LIN54: variants seen among roughly 807,000 people sequenced by gnomAD.
The protein encoded by LIN54 is protein lin-54 homolog.
A neutral mutation model predicts 78.7 loss-of-function variants in LIN54; 9 were observed. The observed-to-expected ratio is 0.11, with a 90% confidence interval of 0.07 to 0.20. The LOEUF is 0.20. Among genes scored for constraint, LIN54 ranks in the 10% least tolerant of loss-of-function variants. LIN54 has a pLI of 1.00. For missense variants in LIN54, 573 were observed against 889.9 expected (o/e 0.64, Z 4.53); for synonymous variants, 269 against 318.4 (o/e 0.84, Z 1.65).
Position 82,984,527 on chromosome 4 carries a change from A to T in LIN54, c.318T>A (p.Thr106=). The T allele has an allele frequency of 6.2e-7, 1 of 1,614,160 alleles. No individual in the cohort carries two copies. Among genetic ancestry groups the T allele is most frequent in the Non-Finnish European group, 8.5e-7 (1 of 1,180,008 alleles). ...TCTGATTGGCTGATATAGTCACAGG[A>T]GTCTGAGCACCAAGTTTTTGAAGGC... ...PSGLQKLGAQ[T]PVTISANQII... Residue 106 remains threonine, a synonymous_variant, in exon 2 of 13, where the codon ACT becomes ACA. Transcript: ENST00000340417.
At chr4:82,980,409 G>A (rs4693066) in intron 2 of LIN54, among the ~76,000 whole-genome samples, 69,158 of 151,542 alleles carry the variant, frequency 0.46, 17,673 homozygotes, top group Admixed American at 0.59. Flanking sequence ...GAAATACACC[G>A]GAAGTTATGA....
At position 82,989,345 on chromosome 4, in the gene LIN54, A is replaced by C. The variant is rs138649078; in HGVS notation, c.-32-4469T>G. On this transcript the variant is annotated intron_variant, in intron 1 of 12. Coordinates refer to ENST00000340417, the MANE Select transcript of LIN54 (RefSeq NM_194282.4). ...CTTCTTTATGTCGCTCTTCCTGATC[A>C]AAGAATCCCCTCTGGCACTTATGGG... Among the ~76,000 whole-genome samples the C allele has an allele frequency of 3.0e-3, 460 of 152,338 alleles. 4 individuals are homozygous for C. Among genetic ancestry groups the C allele is most frequent in the African/African-American group, 0.01 (433 of 41,588 alleles).
At chr4:82,964,297 C>T (rs1234953212) in intron 4 of LIN54, among the ~76,000 whole-genome samples, 3 of 152,174 alleles carry the variant, frequency 2.0e-5, no homozygotes, top group African/African-American at 7.2e-5. Context: ...ATGATCTTCC[C>T]GCCTCGGCCA....
Position 82,937,206 on chromosome 4 carries a change from A to G in LIN54, c.1604+21T>C, listed in dbSNP as rs375851117. 2.0e-4 allele frequency: 223 copies of G among 1,131,238 alleles called. 1 individual carries two copies. Among genetic ancestry groups the G allele is most frequent in the South Asian group, 3.5e-4 (28 of 80,812 alleles). The allele number at this position is 1,131,238 out of a possible 1,614,324, so 70.1% of individuals were successfully genotyped here. ...CATTTCTAATTACATTAAATAAGCAAACAGTTGCAAAAACACTTACAATTT... is the reference window on the plus strand; with the variant it reads ...CATTTCTAATTACATTAAATAAGCAGACAGTTGCAAAAACACTTACAATTT... On this transcript the variant is annotated intron_variant, in intron 9 of 12. Transcript: ENST00000340417.
intron 6 of LIN54, 45 bp from the exon 7 acceptor site, chr4:82,939,781 C>T (rs1378916683): frequency 1.9e-6 from 3 of 1,605,782 alleles, no homozygotes; most frequent in South Asian, 1.1e-5. Context: ...ATAAATTTTA[C>T]AGCTGTTCAA....
intron 1 of LIN54, among the ~76,000 whole-genome samples, chr4:83,005,301 T>C (rs568635002): frequency 3.0e-4 from 45 of 152,092 alleles, no homozygotes; most frequent in African/African-American, 1.1e-3. Context: ...TCACAATTTT[T>C]TTTTCCTTTA....
intron 5 of LIN54, chr4:82,944,676 A>T (rs1723212347): frequency 6.6e-6 from 1 of 152,194 alleles, no homozygotes; most frequent in African/African-American, 2.4e-5. Context: ...AGGTTCCCTC[A>T]GGTGAACCAC....
In LIN54 at chr4:82,982,367, C is replaced by G. The variant is rs372307765; in HGVS notation, c.684+1794G>C. 9.2e-5 allele frequency among the ~76,000 whole-genome samples: 14 copies of G among 152,074 alleles called. No individual in the cohort carries two copies. The East Asian group carries it at 1.2e-3, about 13-fold the overall frequency. On this transcript the variant is annotated intron_variant, in intron 2 of 12. Coordinates refer to ENST00000340417, the MANE Select transcript of LIN54 (RefSeq NM_194282.4). ...CCTCAGCCTCCTGAGTACCTGGGAC[C>G]GCAAGTGTGCGCCACCATGCTGGGC...
At chr4:82,990,704 C>G (rs1320096353) in intron 1 of LIN54, among the ~76,000 whole-genome samples, 1 of 152,044 alleles carries the variant, frequency 6.6e-6, no homozygotes, top group African/African-American at 2.4e-5. Context: ...AGGATGGTCT[C>G]GATCTCCTGA....
chr4:82,931,956 G>GT (rs1475776242), intron 11 of LIN54, among the ~76,000 whole-genome samples: 1 of 151,964 alleles, frequency 6.6e-6, no homozygotes, highest in Non-Finnish European at 1.5e-5. Context: ...ATTGATGGGT[G>GT]TTTATTTTTG....
intron 3 of LIN54, among the ~76,000 whole-genome samples, chr4:82,971,249 A>AACTAC (rs1725624515): frequency 6.6e-6 from 1 of 152,220 alleles, no homozygotes; most frequent in South Asian, 2.1e-4. Flanking sequence ...CACATGGTAG[A>AACTAC]ACTACACTTG....
intron 4 of LIN54, among the ~76,000 whole-genome samples, chr4:82,955,790 G>C (rs970807214): frequency 6.6e-6 from 1 of 150,896 alleles, no homozygotes; most frequent in Non-Finnish European, 1.5e-5. Flanking sequence ...CTGTGCGTAA[G>C]TTTTTTTCCC....
chr4:82,953,222 C>G (rs560227411), intron 4 of LIN54, among the ~76,000 whole-genome samples: 1 of 152,232 alleles, frequency 6.6e-6, no homozygotes, highest in South Asian at 2.1e-4. Context: ...CTCGTGGGCT[C>G]AAGCAACCCT....
Position 82,925,111 on chromosome 4 carries a change from GACCT to G in LIN54, c.*2987_*2990del. ...TCTGTTTCCCAGACCCCAGAGATAA[GACCT>G]ACAGGTTGTGTTTAGTGCTTCAGAA... On this transcript the variant is annotated 3_prime_UTR_variant, in exon 13 of 13. Coordinates refer to ENST00000340417, the MANE Select transcript of LIN54 (RefSeq NM_194282.4). 6.6e-6 allele frequency: 1 copy of G among 152,658 alleles called. No homozygotes were observed. The highest frequency in any genetic ancestry group is 1.9e-4 in the East Asian group (1 of 5,190). 9.5% of individuals were successfully genotyped at this position (152,658 alleles called of 1,614,324 possible). A position where few individuals can be genotyped will look rare whatever the true frequency, so the allele number is the denominator to read the frequency against.
intron 4 of LIN54, among the ~76,000 whole-genome samples, chr4:82,949,690 C>T (rs1025364401): frequency 2.0e-5 from 3 of 151,998 alleles, no homozygotes; most frequent in Admixed American, 6.6e-5. Context: ...AGCCACTGCA[C>T]CCAGCCTGAG....
intron 1 of LIN54, among the ~76,000 whole-genome samples, chr4:82,989,500 T>C (rs1450240857): frequency 6.6e-6 from 1 of 151,848 alleles, no homozygotes; most frequent in Admixed American, 6.6e-5. Context: ...ACCCCAAGAG[T>C]TGAATCTGGA....
In LIN54 at chr4:82,979,939, C is replaced by CA. The variant is rs70943176; in HGVS notation, c.685-934dup. Among the ~76,000 whole-genome samples, 150 of 49,800 alleles carry CA rather than the reference C, an allele frequency of 3.0e-3. 3 individuals carry two copies. Among genetic ancestry groups the CA allele is most frequent in the African/African-American group, 6.6e-3 (78 of 11,846 alleles). 32.7% of individuals were successfully genotyped at this position (49,800 alleles called of 152,430 possible). A position where few individuals can be genotyped will look rare whatever the true frequency, so the allele number is the denominator to read the frequency against. ...TGACAGAGTGAGTGAGACTCTGTCT[C>CA]AAAAAAAAAAAAAAAAAAAAAAAAA... is the stretch of plus-strand genomic sequence containing the variant. On this transcript the variant is annotated intron_variant, in intron 2 of 12. Coordinates refer to ENST00000340417, the MANE Select transcript of LIN54 (RefSeq NM_194282.4).
At chr4:82,932,181 G>A (rs1312680587) in intron 11 of LIN54, among the ~76,000 whole-genome samples, 1 of 144,564 alleles carries the variant, frequency 6.9e-6, no homozygotes, top group Non-Finnish European at 1.5e-5. Flanking sequence ...TGCAAGCTCC[G>A]CCTCCCAGGT....
intron 1 of LIN54, among the ~76,000 whole-genome samples, chr4:82,986,446 C>A (rs1336950112): frequency 6.6e-6 from 1 of 151,952 alleles, no homozygotes; most frequent in Admixed American, 6.6e-5. Context: ...AATACACCAC[C>A]CCGGCTGGGC....
Sources: gnomAD v4.1 joint callset for allele counts (sites outside exome capture counted in the v4.1 genomes callset) on GRCh38, gnomAD v4.1.1 for gene constraint, MANE v1.5 for transcripts, NCBI Gene and HGNC (gene_info 2026-07-23, HGNC 2026-07-21) for gene names.